TNPO3: variants seen among roughly 807,000 people sequenced by gnomAD.
TNPO3 encodes transportin 3.
A neutral mutation model predicts 122.8 loss-of-function variants in TNPO3; 65 were observed. That is an observed-to-expected ratio of 0.53 (90% CI 0.43 to 0.65). The LOEUF (loss-of-function observed/expected upper bound fraction) is 0.65. Ranked by LOEUF, TNPO3 falls within the 30% of genes least tolerant of loss-of-function variation. The pLI is 0.00. For synonymous variants in TNPO3, 372 were observed against 411.2 expected, an observed-to-expected ratio of 0.90 and a Z score of 1.15; for missense variants, 850 against 1,136.7, an observed-to-expected ratio of 0.75 and a Z score of 3.63.
intron 1 of TNPO3, among the ~76,000 whole-genome samples, chr7:129,049,920 G>A (rs1045624591): frequency 1.6e-4 from 25 of 152,142 alleles, no homozygotes; most frequent in Middle Eastern, 3.4e-3. Flanking sequence ...ATGCACAGGC[G>A]GAACAAAAAA....
At chr7:129,001,375 C>A in intron 5 of TNPO3, 141 bp from the exon 6 acceptor site, 1 of 683,642 alleles carries the variant, frequency 1.5e-6, no homozygotes, top group East Asian at 2.8e-5. Context: ...CAATGAAAAA[C>A]ACAAATTTAA....
chr7:129,006,682 T>C (rs897048019), intron 4 of TNPO3, among the ~76,000 whole-genome samples: 4 of 152,212 alleles, frequency 2.6e-5, no homozygotes, highest in Admixed American at 2.0e-4. Context: ...TAAATAGTGA[T>C]ATTTGTGGTT....
At position 128,993,187 on chromosome 7, in the gene TNPO3, T is replaced by C. The variant is rs530109361; in HGVS notation, c.1266+620A>G. ...TATTGCTGTGACAAAGCTTCCAAAG[T>C]GGTATTTCAGAGCTCATTAGAATAT... is the stretch of plus-strand genomic sequence containing the variant. On this transcript the variant is annotated intron_variant, in intron 9 of 22. Coordinates refer to ENST00000265388, the MANE Select transcript of TNPO3 (RefSeq NM_012470.4). Among the ~76,000 whole-genome samples, 29 of 147,632 alleles carry C rather than the reference T, an allele frequency of 2.0e-4. No homozygotes were observed. In the South Asian group the frequency reaches 4.4e-3, roughly 22 times the overall value.
intron 4 of TNPO3, among the ~76,000 whole-genome samples, chr7:129,005,793 T>A (rs1802511912): frequency 6.7e-6 from 1 of 149,934 alleles, no homozygotes; most frequent in African/African-American, 2.4e-5. Flanking sequence ...TTTTTTTTTT[T>A]TTTTTTGAGA....
At chr7:129,020,863 T>A (rs933975601) in intron 1 of TNPO3, among the ~76,000 whole-genome samples, 1 of 152,168 alleles carries the variant, frequency 6.6e-6, no homozygotes, top group Non-Finnish European at 1.5e-5. Flanking sequence ...TCCAAGGGTA[T>A]CTACAAGAAC....
chr7:128,959,009 A>G (rs1319567193), intron 21 of TNPO3, among the ~76,000 whole-genome samples: 1 of 152,244 alleles, frequency 6.6e-6, no homozygotes, highest in East Asian at 1.9e-4. Flanking sequence ...GTCTCAAAAA[A>G]AAGAAAAAAG....
rs1167328026 is a variant in TNPO3 at position 128,975,380 on chromosome 7, C to T, written c.2179-418G>A. The stretch of plus-strand genomic sequence containing the variant: ...CAACATTCTTCAACTCAATATTCCC[C>T]TCTGTGGCTGGAAGGGAGGGAAAAG... On this transcript the variant is annotated intron_variant, in intron 17 of 22. Coordinates refer to ENST00000265388, the MANE Select transcript of TNPO3 (RefSeq NM_012470.4). Among the ~76,000 whole-genome samples the T allele has an allele frequency of 2.0e-5, 3 of 152,180 alleles. No individual in the cohort carries two copies. The East Asian group carries it at 5.8e-4, about 29-fold the overall frequency.
chr7:128,969,135 A>G (rs2128990814), intron 20 of TNPO3, among the ~76,000 whole-genome samples: 1 of 152,282 alleles, frequency 6.6e-6, no homozygotes, highest in Middle Eastern at 3.4e-3. Flanking sequence ...TATGCTTACA[A>G]TCAAGAATGT....
At chr7:129,032,263 CA>C (rs1289236048) in intron 1 of TNPO3, among the ~76,000 whole-genome samples, 2 of 152,106 alleles carry the variant, frequency 1.3e-5, no homozygotes, top group Non-Finnish European at 2.9e-5. Flanking sequence ...ACAGTGAAGA[CA>C]AAAAGCTTTT....
At chr7:128,966,122 A>T (rs1028816909) in intron 21 of TNPO3, among the ~76,000 whole-genome samples, 2 of 152,228 alleles carry the variant, frequency 1.3e-5, no homozygotes, top group Non-Finnish European at 2.9e-5. Flanking sequence ...AAATTATTTT[A>T]AAAGCTCAAG....
chr7:128,973,594 G>C (rs2128996634), intron 18 of TNPO3, among the ~76,000 whole-genome samples: 1 of 151,352 alleles, frequency 6.6e-6, no homozygotes, highest in South Asian at 2.1e-4. Flanking sequence ...AAATTAGCTG[G>C]GTGTGGTGGC....
intron 1 of TNPO3, among the ~76,000 whole-genome samples, chr7:129,051,357 CTTTTT>C (rs34186175): frequency 1.4e-5 from 2 of 138,468 alleles, no homozygotes; most frequent in Admixed American, 1.4e-4. Context: ...GGTGTGGTGA[CTTTTT>C]TTTTTTTTTT....
intron 4 of TNPO3, 66 bp from the exon 5 acceptor site, chr7:129,005,225 A>C: frequency 1.4e-6 from 2 of 1,417,606 alleles, no homozygotes; most frequent in Non-Finnish European, 1.9e-6. Context: ...TATTTCAATC[A>C]CCTTACAAGT....
intron 13 of TNPO3, 57 bp from the exon 14 acceptor site, chr7:128,982,381 A>G: frequency 7.0e-7 from 1 of 1,432,544 alleles, no homozygotes. Context: ...TCTACAGCCA[A>G]CACTGCAACA....
intron 8 of TNPO3, among the ~76,000 whole-genome samples, chr7:128,996,880 C>G (rs1801391944): frequency 6.6e-6 from 1 of 151,208 alleles, no homozygotes; most frequent in African/African-American, 2.4e-5. Context: ...ATTCATATAA[C>G]TCTTGTTATA....
intron 1 of TNPO3, among the ~76,000 whole-genome samples, chr7:129,026,394 A>ATTTTT (rs969403916): frequency 2.1e-4 from 20 of 94,686 alleles, no homozygotes; most frequent in African/African-American, 3.6e-4. Context: ...TGACGTTTGA[A>ATTTTT]TTTTTTTTTT....
chr7:129,048,645 A>T (rs1479549413), intron 1 of TNPO3, among the ~76,000 whole-genome samples: 3 of 148,750 alleles, frequency 2.0e-5, no homozygotes, highest in African/African-American at 7.3e-5. Flanking sequence ...AAAGGATTTA[A>T]AAAAAAAAAA....
At chr7:128,965,956 G>C (rs964883790) in intron 21 of TNPO3, among the ~76,000 whole-genome samples, 2 of 151,996 alleles carry the variant, frequency 1.3e-5, no homozygotes, top group African/African-American at 4.8e-5. Context: ...TTGCTTAATG[G>C]GTATAGTTTT....
Position 128,964,411 on chromosome 7 carries a change from C to T in TNPO3, c.2711+2869G>A, listed in dbSNP as rs938724339. On this transcript the variant is annotated intron_variant, in intron 21 of 22. Coordinates refer to ENST00000265388, the MANE Select transcript of TNPO3 (RefSeq NM_012470.4). The stretch of plus-strand genomic sequence containing the variant: ...AGTGCAGTGGTGCAATCTCGGCTCA[C>T]TGCAAGCTCCACCTCCCGGGTTCAC... 2.0e-5 allele frequency among the ~76,000 whole-genome samples: 3 copies of T among 148,480 alleles called. No individual in the cohort carries two copies. The Admixed American group carries it at 2.1e-4, about 10-fold the overall frequency.
Sources: gnomAD v4.1 joint callset for allele counts (sites outside exome capture counted in the v4.1 genomes callset) on GRCh38, gnomAD v4.1.1 for gene constraint, MANE v1.5 for transcripts, NCBI Gene and HGNC (gene_info 2026-07-23, HGNC 2026-07-21) for gene names.